Variants in AFF1 observed in about 807,000 individuals in gnomAD.
AFF1 encodes the protein AF4/FMR2 family member 1.
A neutral mutation model predicts 121.7 loss-of-function variants in AFF1; 48 were observed. That is an observed-to-expected ratio of 0.39 (90% CI 0.31 to 0.50). The LOEUF is 0.50. Ranked by LOEUF, AFF1 falls within the 20% of genes least tolerant of loss-of-function variation. The pLI, the probability that AFF1 is intolerant of heterozygous loss-of-function variation, is 0.76. For synonymous variants in AFF1, 613 were observed against 563.0 expected (o/e 1.09, Z -1.26); for missense variants, 1,523 against 1,511.7 (o/e 1.01, Z -0.12).
intron 12 of AFF1, 44 bp from the exon 13 acceptor site, chr4:87,124,993 A>AAT: frequency 6.8e-7 from 1 of 1,479,782 alleles, no homozygotes; most frequent in Non-Finnish European, 9.1e-7. Context: ...TTGTCTGTAC[A>AAT]ATTATGTTGG....
intron 1 of AFF1, among the ~76,000 whole-genome samples, chr4:86,947,702 CAG>C (rs1720964892): frequency 6.6e-6 from 1 of 152,090 alleles, no homozygotes; most frequent in Non-Finnish European, 1.5e-5. Flanking sequence ...AGGTTGTTTC[CAG>C]AGTTACCCAA....
intron 16 of AFF1, 136 bp downstream of exon 16, chr4:87,127,839 G>A: frequency 1.2e-6 from 1 of 852,150 alleles, no homozygotes. Flanking sequence ...AGGCGCAGGA[G>A]AAAGGAGTGT....
At position 87,114,429 on chromosome 4, in the gene AFF1, A is replaced by G; in HGVS notation, c.1596A>G (p.Pro532=). The G allele has an allele frequency of 6.2e-7, 1 of 1,610,694 alleles. No homozygotes were observed. The highest frequency in any genetic ancestry group is 2.2e-5 in the East Asian group (1 of 44,842). ...LDNWLTKVSQ[P]AAPPEGPRST... ...ACTGGCTGACCAAAGTCAGCCAGCC[A>G]GCTGCGCCACCAGAGGGCCCCAGGA... The change falls in exon 12 of 21, where the codon CCA becomes CCG. Residue 532 remains proline (P), a synonymous_variant. Coordinates refer to ENST00000395146, the MANE Select transcript of AFF1 (RefSeq NM_001166693.3).
chr4:87,078,883 C>T (rs1722919268), intron 4 of AFF1, among the ~76,000 whole-genome samples: 1 of 152,048 alleles, frequency 6.6e-6, no homozygotes, highest in Non-Finnish European at 1.5e-5. Context: ...TTGGCACCGC[C>T]TGTTATTCCA....
chr4:87,113,869 C>A (rs1448153108), intron 11 of AFF1, among the ~76,000 whole-genome samples: 1 of 151,736 alleles, frequency 6.6e-6, no homozygotes, highest in African/African-American at 2.4e-5. Flanking sequence ...CTGTCACACA[C>A]AAAAAAGAGA....
intron 1 of AFF1, among the ~76,000 whole-genome samples, chr4:86,948,057 G>GT (rs11446805): frequency 0.17 from 26,170 of 150,402 alleles, 2,422 homozygotes; most frequent in East Asian, 0.31. Flanking sequence ...TTTCTTGGTT[G>GT]TTTTTTTTTG....
intron 2 of AFF1, among the ~76,000 whole-genome samples, chr4:86,988,635 C>G (rs767343455): frequency 5.9e-5 from 9 of 152,144 alleles, no homozygotes; most frequent in Non-Finnish European, 1.3e-4. Context: ...TTTATAGATT[C>G]AATGCTGTCC....
At chr4:86,974,769 CGTTAA>C (rs1439217183) in intron 2 of AFF1, among the ~76,000 whole-genome samples, 2 of 152,140 alleles carry the variant, frequency 1.3e-5, no homozygotes, top group African/African-American at 4.8e-5. Context: ...GTTTTGCTCA[CGTTAA>C]GTTAAATTCA....
At chr4:86,992,770 C>A (rs1422607643) in intron 2 of AFF1, among the ~76,000 whole-genome samples, 3 of 152,162 alleles carry the variant, frequency 2.0e-5, no homozygotes, top group African/African-American at 4.8e-5. Flanking sequence ...TAAATGAATT[C>A]TTAAACATGA....
chr4:86,950,476 T>G (rs1222162082), intron 2 of AFF1, among the ~76,000 whole-genome samples: 6 of 152,224 alleles, frequency 3.9e-5, no homozygotes, highest in Non-Finnish European at 5.9e-5. Context: ...AGCCATAATT[T>G]CTATTTATAA....
At chr4:87,066,789 A>G (rs1721393782) in intron 4 of AFF1, among the ~76,000 whole-genome samples, 2 of 152,200 alleles carry the variant, frequency 1.3e-5, no homozygotes, top group South Asian at 4.1e-4. Context: ...GTTTATCAGC[A>G]CTTTCCTGGT....
chr4:86,935,294 A>ACGC (rs1468413757), intron 1 of AFF1, 54 bp downstream of exon 1: 7 of 151,974 alleles, frequency 4.6e-5, no homozygotes, highest in East Asian at 2.0e-4. Flanking sequence ...CCGGCCCCCG[A>ACGC]CGCCGCCGCC....
At chr4:87,040,199 G>C (rs1729996881) in intron 2 of AFF1, among the ~76,000 whole-genome samples, 1 of 152,094 alleles carries the variant, frequency 6.6e-6, no homozygotes, top group Admixed American at 6.5e-5. Context: ...CCGGCCCACA[G>C]TTTTTATAAC....
chr4:86,952,562 C>A (rs1046568184), intron 2 of AFF1, among the ~76,000 whole-genome samples: 1 of 152,200 alleles, frequency 6.6e-6, no homozygotes, highest in African/African-American at 2.4e-5. Flanking sequence ...GTGTATACAA[C>A]CTGCATGTTC....
chr4:86,952,686 A>ATTT (rs1721440384), intron 2 of AFF1, among the ~76,000 whole-genome samples: 1 of 132,448 alleles, frequency 7.6e-6, no homozygotes, highest in Non-Finnish European at 1.6e-5. Context: ...CAAAAACACA[A>ATTT]CTTTTTTTTT....
At chr4:87,089,899 T>A in intron 5 of AFF1, 85 bp from the exon 6 acceptor site, 2 of 981,200 alleles carry the variant, frequency 2.0e-6, no homozygotes, top group Non-Finnish European at 1.6e-6. Flanking sequence ...GATCAATCCA[T>A]TCTACATTAA....
intron 2 of AFF1, among the ~76,000 whole-genome samples, chr4:87,023,792 A>G (rs915868485): frequency 6.6e-6 from 1 of 152,226 alleles, no homozygotes; most frequent in Admixed American, 6.5e-5. Flanking sequence ...CATGAAAACC[A>G]TGCTTAAACA....
intron 1 of AFF1, among the ~76,000 whole-genome samples, chr4:86,942,079 CTAT>C (rs1013992416): frequency 5.9e-5 from 9 of 151,940 alleles, no homozygotes; most frequent in East Asian, 3.9e-4. Flanking sequence ...TAAATGTTTG[CTAT>C]TATTACTCCT....
chr4:87,135,030 G>C (rs1317485121), intron 20 of AFF1, among the ~76,000 whole-genome samples: 9 of 152,242 alleles, frequency 5.9e-5, no homozygotes, highest in Admixed American at 5.2e-4. Flanking sequence ...GCCACTGGCT[G>C]TTCCTAGGCC....
Sources: allele counts gnomAD v4.1 joint callset (sites outside exome capture counted in the v4.1 genomes callset), GRCh38; gene constraint gnomAD v4.1.1; transcripts MANE v1.5; gene names NCBI Gene and HGNC (gene_info 2026-07-23, HGNC 2026-07-21).